The following UNC13C variants were observed in gnomAD, a reference collection of about 807,000 sequenced individuals.
UNC13C encodes the protein protein unc-13 homolog C.
UNC13C carries 174 observed loss-of-function variants against 245.4 expected under a neutral mutation model. The observed-to-expected ratio is 0.71, with a 90% CI of 0.63 to 0.80. The LOEUF (loss-of-function observed/expected upper bound fraction) is 0.80. Ranked by LOEUF, UNC13C falls within the 30% of genes least tolerant of loss-of-function variation. The pLI, the probability that UNC13C is intolerant of heterozygous loss-of-function variation, is 0.00. For synonymous variants in UNC13C, 992 were observed against 895.1 expected, an observed-to-expected ratio of 1.11 and a Z score of -1.93; for missense variants, 2,829 against 2,602.9, an observed-to-expected ratio of 1.09 and a Z score of -1.89.
intron 4 of UNC13C, among the ~76,000 whole-genome samples, chr15:54,227,844 A>G (rs1208970650): frequency 6.6e-6 from 1 of 152,160 alleles, no homozygotes; most frequent in Non-Finnish European, 1.5e-5. Flanking sequence ...CCTGTCAACC[A>G]CTGACTGGCT....
the UNC13C span, among the ~76,000 whole-genome samples, chr15:53,949,380 C>T: frequency 6.6e-6 from 1 of 152,110 alleles, no homozygotes; most frequent in Non-Finnish European, 1.5e-5. Flanking sequence ...TGATATAACC[C>T]AGGAAATCCA....
At position 54,126,777 on chromosome 15, in the gene UNC13C, G is replaced by T. The variant is rs532213855; in HGVS notation, c.2984-16241G>T. ...TATCTTCAGAGTGAACAGGCAATCT[G>T]CAAAATGGGAGAAAATTTTTGCAAT... On this transcript the variant is annotated intron_variant, in intron 2 of 32. Transcript: ENST00000260323. Among the ~76,000 whole-genome samples, 3 of 152,186 alleles carry T rather than the reference G, an allele frequency of 2.0e-5. No homozygotes were observed. In the South Asian group the frequency reaches 6.2e-4, roughly 32 times the overall value.
intron 4 of UNC13C, among the ~76,000 whole-genome samples, chr15:54,199,105 G>A (rs552229490): frequency 1.3e-5 from 2 of 152,052 alleles, no homozygotes; most frequent in East Asian, 3.9e-4. Context: ...AGAGCTCGAA[G>A]ACAGGCTTTC....
chr15:54,467,226 A>G (rs1892224230), intron 19 of UNC13C, among the ~76,000 whole-genome samples: 1 of 151,826 alleles, frequency 6.6e-6, no homozygotes, highest in Non-Finnish European at 1.5e-5. Flanking sequence ...ATAACTCAAG[A>G]AGAATTTTTC....
At chr15:54,081,881 G>A (rs1408750949) in intron 2 of UNC13C, among the ~76,000 whole-genome samples, 1 of 152,124 alleles carries the variant, frequency 6.6e-6, no homozygotes, top group Non-Finnish European at 1.5e-5. Context: ...TATGGGATCT[G>A]TGAACTTTGT....
chr15:54,190,206 C>G (rs1252876857), intron 4 of UNC13C, among the ~76,000 whole-genome samples: 1 of 152,062 alleles, frequency 6.6e-6, no homozygotes, highest in Non-Finnish European at 1.5e-5. Flanking sequence ...CAAGCACAAC[C>G]AATTAAGTGG....
intron 4 of UNC13C, among the ~76,000 whole-genome samples, chr15:54,164,230 T>C (rs1301206660): frequency 6.6e-6 from 1 of 152,236 alleles, no homozygotes; most frequent in Non-Finnish European, 1.5e-5. Flanking sequence ...TAATTTAAAT[T>C]ATGTATAATA....
chr15:54,401,915 A>T (rs1426710609), intron 18 of UNC13C, among the ~76,000 whole-genome samples: 5 of 152,254 alleles, frequency 3.3e-5, no homozygotes, highest in Admixed American at 1.3e-4. Flanking sequence ...CATTACCCAA[A>T]GTATCCTTAC....
intron 19 of UNC13C, among the ~76,000 whole-genome samples, chr15:54,482,467 G>A (rs978501860): frequency 1.2e-4 from 18 of 152,244 alleles, no homozygotes; most frequent in African/African-American, 3.6e-4. Context: ...AGGAGCGGGC[G>A]GTGGGAATTT....
At chr15:54,572,609 T>G (rs555644978) in intron 30 of UNC13C, among the ~76,000 whole-genome samples, 106 of 151,948 alleles carry the variant, frequency 7.0e-4, no homozygotes, top group Non-Finnish European at 8.8e-4. Context: ...TTTTTTTTAG[T>G]AGAGATGGAT....
At chr15:54,258,455 C>G (rs535609544) in intron 8 of UNC13C, among the ~76,000 whole-genome samples, 1 of 152,242 alleles carries the variant, frequency 6.6e-6, no homozygotes, top group Admixed American at 6.5e-5. Context: ...CCTTCACCTG[C>G]CGGGTTCAAG....
chr15:54,041,308 C>A (rs550687909), intron 2 of UNC13C, among the ~76,000 whole-genome samples: 2 of 152,246 alleles, frequency 1.3e-5, no homozygotes, highest in African/African-American at 4.8e-5. Flanking sequence ...TATAATTAAA[C>A]ACTCTCATAA....
intron 19 of UNC13C, among the ~76,000 whole-genome samples, chr15:54,437,563 C>T (rs1254918019): frequency 1.3e-5 from 2 of 151,824 alleles, no homozygotes; most frequent in African/African-American, 2.4e-5. Context: ...AGCCATTTTC[C>T]TGTAAGTCAC....
intron 4 of UNC13C, among the ~76,000 whole-genome samples, chr15:54,173,137 A>G (rs1334669640): frequency 6.6e-6 from 1 of 151,964 alleles, no homozygotes; most frequent in Non-Finnish European, 1.5e-5. Context: ...TAACTTGATA[A>G]TAAGCCTTGA....
chr15:54,586,681 G>GC (rs1372873660), intron 30 of UNC13C, among the ~76,000 whole-genome samples: 1 of 152,212 alleles, frequency 6.6e-6, no homozygotes, highest in African/African-American at 2.4e-5. Flanking sequence ...GTTGGCATTT[G>GC]CCCTTACAGG....
chr15:54,524,846 C>G (rs1443882216), intron 24 of UNC13C, among the ~76,000 whole-genome samples: 1 of 152,124 alleles, frequency 6.6e-6, no homozygotes, highest in Non-Finnish European at 1.5e-5. Context: ...AACTAAATTT[C>G]TAAAGGTAGA....
the UNC13C span, among the ~76,000 whole-genome samples, chr15:53,846,899 A>G: frequency 2.3e-4 from 35 of 152,292 alleles, no homozygotes; most frequent in African/African-American, 7.9e-4. Context: ...GCAGGAGAGC[A>G]AAGCTCCGTG....
intron 4 of UNC13C, among the ~76,000 whole-genome samples, chr15:54,217,856 G>A (rs556315251): frequency 2.7e-4 from 41 of 151,824 alleles, no homozygotes; most frequent in South Asian, 2.1e-3. Context: ...TGCCAGGTCC[G>A]TAGGCTTCCA....
At chr15:54,445,508 A>G (rs1261044149) in intron 19 of UNC13C, among the ~76,000 whole-genome samples, 2 of 151,956 alleles carry the variant, frequency 1.3e-5, no homozygotes, top group African/African-American at 4.8e-5. Flanking sequence ...CTGGTGTGAG[A>G]TGGTATCTCA....
Sources: allele counts gnomAD v4.1 joint callset (sites outside exome capture counted in the v4.1 genomes callset), GRCh38; gene constraint gnomAD v4.1.1; transcripts MANE v1.5; gene names NCBI Gene and HGNC (gene_info 2026-07-23, HGNC 2026-07-21).